The following EYS variants were observed in gnomAD, a reference collection of about 807,000 sequenced individuals.
EYS encodes EGF-like photoreceptor maintenance factor.
In EYS, 250 loss-of-function variants were observed where a neutral mutation model predicts 282.1. The observed-to-expected ratio is 0.89, with a 90% CI of 0.80 to 0.98. The LOEUF (loss-of-function observed/expected upper bound fraction) is 0.98, where lower values mean the gene tolerates loss of function less well. EYS is among the 50% of genes least tolerant of loss of function. EYS has a pLI of 0.00. For missense variants in EYS, 4,016 were observed against 3,709.0 expected (o/e 1.08, Z -2.15); for synonymous variants, 1,355 against 1,282.9 (o/e 1.06, Z -1.20).
chr6:65,469,163 A>C (rs1365514744), intron 5 of EYS, among the ~76,000 whole-genome samples: 1 of 152,038 alleles, frequency 6.6e-6, no homozygotes, highest in East Asian at 1.9e-4. Context: ...TCTGAAATTC[A>C]AATTTAACTG....
chr6:64,405,854 G>A (rs774228767), intron 28 of EYS, among the ~76,000 whole-genome samples: 2 of 152,162 alleles, frequency 1.3e-5, no homozygotes, highest in African/African-American at 4.8e-5. Flanking sequence ...AACATTCCAT[G>A]CTCAGGAATA....
chr6:65,520,861 G>A (rs747016638), intron 2 of EYS, among the ~76,000 whole-genome samples: 5 of 151,920 alleles, frequency 3.3e-5, no homozygotes, highest in Non-Finnish European at 7.4e-5. Flanking sequence ...TTCATTGGAC[G>A]AAGGGTAGTC....
At chr6:64,322,420 C>A (rs1480102835) in intron 29 of EYS, among the ~76,000 whole-genome samples, 2 of 151,826 alleles carry the variant, frequency 1.3e-5, no homozygotes, top group African/African-American at 2.4e-5. Context: ...TGTTGGAGAC[C>A]AAGTCTCTTA....
chr6:64,289,032 G>A (rs1007747254), intron 30 of EYS, among the ~76,000 whole-genome samples: 2 of 151,926 alleles, frequency 1.3e-5, no homozygotes, highest in Non-Finnish European at 2.9e-5. Context: ...AGTGATTCGG[G>A]TGCTTCATCT....
rs911036026 is a variant in EYS at position 65,317,777 on chromosome 6, T to TCTTCCTTCCTTCCTTCCTTCCTTCCTTC, written c.1766+17175_1766+17202dup. On this transcript the variant is annotated intron_variant, in intron 11 of 42. Transcript: ENST00000503581. ...GCTCTTGGCTGGAGGCTACATTTTCTCTTCCTTCCTTCCTTCCTTCCTTCC... is the reference window on the plus strand; with the variant it reads ...GCTCTTGGCTGGAGGCTACATTTTCTCTTCCTTCCTTCCTTCCTTCCTTCCTTCCTTCCTTCCTTCCTTCCTTCCTTCC... Among the ~76,000 whole-genome samples, 214 of 57,390 alleles carry TCTTCCTTCCTTCCTTCCTTCCTTCCTTC rather than the reference T, an allele frequency of 3.7e-3. 4 individuals are homozygous for TCTTCCTTCCTTCCTTCCTTCCTTCCTTC. Among genetic ancestry groups the TCTTCCTTCCTTCCTTCCTTCCTTCCTTC allele is most frequent in the South Asian group, 5.3e-3 (10 of 1,890 alleles). 37.7% of individuals were successfully genotyped at this position (57,390 alleles called of 152,430 possible). A position where few individuals can be genotyped will look rare whatever the true frequency, so the allele number is the denominator to read the frequency against.
chr6:64,666,024 T>C (rs1562122321), intron 22 of EYS, among the ~76,000 whole-genome samples: 2 of 152,082 alleles, frequency 1.3e-5, no homozygotes, highest in Admixed American at 6.5e-5. Context: ...CACTTATAAG[T>C]TGGAGCTAAA....
intron 41 of EYS, chr6:63,744,568 T>C (rs1769163704): frequency 6.6e-6 from 1 of 152,076 alleles, no homozygotes; most frequent in African/African-American, 2.4e-5. Flanking sequence ...CTTCTTTCTT[T>C]CTTTTTTTTT....
chr6:64,594,609 C>T (rs1331612909), intron 24 of EYS, among the ~76,000 whole-genome samples: 2 of 147,034 alleles, frequency 1.4e-5, no homozygotes, highest in Non-Finnish European at 1.5e-5. Flanking sequence ...CCAAACACTG[C>T]ATGTTCTTAC....
At chr6:63,863,511 A>T (rs1296741929) in intron 36 of EYS, among the ~76,000 whole-genome samples, 1 of 152,096 alleles carries the variant, frequency 6.6e-6, no homozygotes, top group African/African-American at 2.4e-5. Context: ...CCAAAATGAC[A>T]TGAAATAATT....
At chr6:65,155,428 T>C (rs977771087) in intron 12 of EYS, among the ~76,000 whole-genome samples, 1 of 151,434 alleles carries the variant, frequency 6.6e-6, no homozygotes, top group African/African-American at 2.4e-5. Flanking sequence ...AATACAACAC[T>C]GAAGCAATTG....
At chr6:64,711,458 A>AT (rs1771210347) in intron 22 of EYS, among the ~76,000 whole-genome samples, 1 of 152,212 alleles carries the variant, frequency 6.6e-6, no homozygotes, top group East Asian at 1.9e-4. Flanking sequence ...TAGTTTATGT[A>AT]TTACATGCAT....
rs1394848493 is a variant in EYS at position 63,798,985 on chromosome 6, GTGTATATATATATA to G, written c.7411+7191_7411+7204del. On this transcript the variant is annotated intron_variant, in intron 37 of 42. Coordinates refer to ENST00000503581, the MANE Select transcript of EYS (RefSeq NM_001142800.2). ...TGTGTATATATATATATGTATATGT[GTGTATATATATATA>G]TATATATATATATATATATATAATT... Among the ~76,000 whole-genome samples, 104 of 87,518 alleles carry G rather than the reference GTGTATATATATATA, an allele frequency of 1.2e-3. 1 individual carries two copies. The highest frequency in any genetic ancestry group is 4.9e-3 in the African/African-American group (89 of 18,204). The allele number at this position is 87,518 out of a possible 152,430, so 57.4% of individuals were successfully genotyped here.
At chr6:64,138,722 C>CT (rs1774243230) in intron 31 of EYS, among the ~76,000 whole-genome samples, 2 of 152,242 alleles carry the variant, frequency 1.3e-5, no homozygotes, top group South Asian at 4.1e-4. Flanking sequence ...TTCAACAGCA[C>CT]TGAGCAGCCT....
intron 34 of EYS, 85 bp from the exon 35 acceptor site, chr6:63,984,688 G>C: frequency 3.7e-6 from 4 of 1,092,554 alleles, no homozygotes; most frequent in Non-Finnish European, 5.4e-6. Flanking sequence ...TCTGTAATTG[G>C]ATGTGTTTTA....
At chr6:65,275,753 T>C (rs1273062683) in intron 12 of EYS, among the ~76,000 whole-genome samples, 1 of 152,170 alleles carries the variant, frequency 6.6e-6, no homozygotes, top group African/African-American at 2.4e-5. Context: ...GCTCCAAATA[T>C]GGCACCATTC....
At chr6:63,963,904 G>T (rs796276428) in intron 35 of EYS, among the ~76,000 whole-genome samples, 12 of 152,206 alleles carry the variant, frequency 7.9e-5, no homozygotes, top group African/African-American at 2.9e-4. Context: ...TGAACTCCAG[G>T]TTCATTTTTC....
intron 5 of EYS, among the ~76,000 whole-genome samples, chr6:65,442,901 T>C (rs1233405030): frequency 8.5e-6 from 1 of 117,684 alleles, no homozygotes; most frequent in African/African-American, 2.6e-5. Flanking sequence ...CATATATGTA[T>C]ATATACATGC....
At chr6:65,157,738 T>C (rs561116149) in intron 12 of EYS, among the ~76,000 whole-genome samples, 1 of 150,922 alleles carries the variant, frequency 6.6e-6, no homozygotes, top group Non-Finnish European at 1.5e-5. Flanking sequence ...TAAGAATTCC[T>C]TTTTGTTTCT....
chr6:64,120,036 T>C (rs1374760377), intron 31 of EYS, among the ~76,000 whole-genome samples: 1 of 152,138 alleles, frequency 6.6e-6, no homozygotes, highest in African/African-American at 2.4e-5. Flanking sequence ...TGTGTTTTTT[T>C]AAGTCATTTT....
Sources: allele counts gnomAD v4.1 joint callset (sites outside exome capture counted in the v4.1 genomes callset), GRCh38; gene constraint gnomAD v4.1.1; transcripts MANE v1.5; gene names NCBI Gene and HGNC (gene_info 2026-07-23, HGNC 2026-07-21).